Variants in EDNRB observed in about 807,000 individuals in gnomAD.
The protein encoded by EDNRB is Hirschsprung disease 2.
Under a neutral mutation model 46.4 loss-of-function variants are expected in EDNRB, and 18 were observed. That is an observed-to-expected ratio of 0.39 (90% CI 0.27 to 0.57). The LOEUF (loss-of-function observed/expected upper bound fraction) is 0.57, where lower values mean the gene tolerates loss of function less well. EDNRB is among the 20% of genes least tolerant of loss of function. EDNRB has a pLI of 0.61. For synonymous variants in EDNRB, 213 were observed against 204.9 expected, an observed-to-expected ratio of 1.04 and a Z score of -0.34; for missense variants, 434 against 537.5, an observed-to-expected ratio of 0.81 and a Z score of 1.90.
intron 1 of EDNRB, among the ~76,000 whole-genome samples, chr13:77,964,545 G>T (rs530574310): frequency 1.3e-5 from 2 of 151,966 alleles, no homozygotes; most frequent in Non-Finnish European, 2.9e-5. Context: ...ACCAAACACC[G>T]CATGTTCTCA....
intron 1 of EDNRB, among the ~76,000 whole-genome samples, chr13:77,912,575 T>G (rs1392434980): frequency 1.3e-5 from 2 of 152,142 alleles, no homozygotes; most frequent in Non-Finnish European, 2.9e-5. Flanking sequence ...GTCTTCTGTA[T>G]AACATCATTT....
Position 77,918,652 on chromosome 13 carries a change from G to A in EDNRB, c.-79C>T. 2.0e-6 allele frequency: 3 copies of A among 1,489,858 alleles called. No individual in the cohort carries two copies. The highest frequency in any genetic ancestry group is 2.7e-6 in the Non-Finnish European group (3 of 1,130,578). 92.3% of individuals were successfully genotyped at this position (1,489,858 alleles called of 1,614,324 possible). On this transcript the variant is annotated 5_prime_UTR_variant, in exon 1 of 7. Transcript: ENST00000646607. The surrounding 1 kb of genome is among the most constrained non-coding windows in gnomAD (Gnocchi z 4.5). ...AGAGACAAGCAGAGGAAGGAAGACA[G>A]GACACTTGGGTCAGCTGCCCGAGCC... is the stretch of plus-strand genomic sequence containing the variant.
chr13:77,941,148 T>C (rs186700123), intron 1 of EDNRB, among the ~76,000 whole-genome samples: 2 of 152,286 alleles, frequency 1.3e-5, no homozygotes, highest in East Asian at 1.9e-4. Context: ...AATTAATTTG[T>C]ACAGGGAGTG....
At chr13:77,941,939 T>G (rs1043445101) in intron 1 of EDNRB, among the ~76,000 whole-genome samples, 2 of 152,216 alleles carry the variant, frequency 1.3e-5, no homozygotes, top group East Asian at 1.9e-4. Flanking sequence ...TAGAAGGCTT[T>G]GTCAGTATTA....
At chr13:77,951,591 AATTG>A (rs1282344506) in intron 1 of EDNRB, among the ~76,000 whole-genome samples, 14 of 152,184 alleles carry the variant, frequency 9.2e-5, no homozygotes, top group African/African-American at 3.4e-4. Flanking sequence ...GCAACCAAGA[AATTG>A]ATTGGTGCAG....
chr13:77,938,288 T>C (rs1336015921), intron 1 of EDNRB, among the ~76,000 whole-genome samples: 1 of 150,016 alleles, frequency 6.7e-6, no homozygotes, highest in East Asian at 2.0e-4. Flanking sequence ...AATAAGGGGT[T>C]GGGGCGCAGA....
chr13:77,950,335 T>G (rs1379864272), intron 1 of EDNRB, among the ~76,000 whole-genome samples: 1 of 152,214 alleles, frequency 6.6e-6, no homozygotes, highest in Non-Finnish European at 1.5e-5. Flanking sequence ...GAGGCTCCAC[T>G]ACAAGTAGTA....
chr13:77,951,588 A>T (rs139448171), intron 1 of EDNRB, among the ~76,000 whole-genome samples: 2,180 of 152,310 alleles, frequency 0.014, 46 homozygotes, highest in East Asian at 0.024. Context: ...ACAGCAACCA[A>T]GAAATTGATT....
At chr13:77,919,694 C>T, upstream of EDNRB, 1 of 1,395,114 alleles carries the variant, frequency 7.2e-7, no homozygotes. Context: ...TGGGCGATGC[C>T]TGGACAGCAT....
At chr13:77,952,639 A>C (rs1881123216) in intron 1 of EDNRB, among the ~76,000 whole-genome samples, 1 of 152,198 alleles carries the variant, frequency 6.6e-6, no homozygotes, top group Non-Finnish European at 1.5e-5. Context: ...TAAAGTAAAA[A>C]ATACTGTGGC....
At chr13:77,963,266 C>A (rs1030703687) in intron 1 of EDNRB, among the ~76,000 whole-genome samples, 3 of 152,138 alleles carry the variant, frequency 2.0e-5, no homozygotes, top group Non-Finnish European at 4.4e-5. Context: ...TTGGAAAAAA[C>A]TACTTTAAAG....
chr13:77,968,519 G>A (rs183164085), intron 1 of EDNRB, among the ~76,000 whole-genome samples: 122 of 152,098 alleles, frequency 8.0e-4, no homozygotes, highest in Non-Finnish European at 1.6e-3. Context: ...CTATGAATTG[G>A]AAGAAATACT....
chr13:77,937,037 A>G (rs1377941643), intron 1 of EDNRB, among the ~76,000 whole-genome samples: 1 of 152,084 alleles, frequency 6.6e-6, no homozygotes, highest in African/African-American at 2.4e-5. Context: ...GTTTTTTCCT[A>G]ATGTCAGGAG....
At chr13:77,973,293 C>A (rs1479753497) in intron 1 of EDNRB, among the ~76,000 whole-genome samples, 1 of 151,926 alleles carries the variant, frequency 6.6e-6, no homozygotes, top group Admixed American at 6.6e-5. Context: ...TAAATTTTAC[C>A]TTTATATTAA....
At chr13:77,918,832 C>A, upstream of EDNRB, 8 of 1,297,114 alleles carry the variant, frequency 6.2e-6, no homozygotes, top group Non-Finnish European at 6.8e-6. This position sits in a 1 kb window ranked among gnomAD's most constrained non-coding sequence, Gnocchi z 4.5. Context: ...TGTTTTTCTT[C>A]CCCCGCGTGG....
chr13:77,902,566 C>T (rs1309085064), intron 3 of EDNRB, among the ~76,000 whole-genome samples: 1 of 151,952 alleles, frequency 6.6e-6, no homozygotes, highest in Non-Finnish European at 1.5e-5. Flanking sequence ...TAGCCACCTG[C>T]TCTGTAACTG....
chr13:77,898,939 A>G (rs998724571), intron 6 of EDNRB, among the ~76,000 whole-genome samples: 35 of 152,070 alleles, frequency 2.3e-4, no homozygotes, highest in African/African-American at 7.9e-4. Flanking sequence ...ATCTCTTTTC[A>G]ATATTGGTAA....
chr13:77,908,395 T>C (rs1288570728), intron 1 of EDNRB, among the ~76,000 whole-genome samples: 1 of 138,788 alleles, frequency 7.2e-6, no homozygotes, highest in Non-Finnish European at 1.5e-5. Context: ...TATAAAGGTA[T>C]CCCTGGTGGG....
chr13:77,903,053 C>T, intron 3 of EDNRB, 103 bp downstream of exon 3: 2 of 1,216,508 alleles, frequency 1.6e-6, no homozygotes, highest in Middle Eastern at 2.1e-4. Context: ...ATGCCAAGGA[C>T]AGTCATAAAT....
Sources: gnomAD v4.1 joint callset for allele counts (sites outside exome capture counted in the v4.1 genomes callset) on GRCh38, gnomAD v4.1.1 for gene constraint, Gnocchi (gnomAD v3.1) non-coding constraint, MANE v1.5 for transcripts, NCBI Gene and HGNC (gene_info 2026-07-23, HGNC 2026-07-21) for gene names.